ZDHHC14: variants seen among roughly 807,000 people sequenced by gnomAD.
ZDHHC14 encodes the protein zDHHC palmitoyltransferase 14.
Under a neutral mutation model 47.7 loss-of-function variants are expected in ZDHHC14, and 16 were observed. The observed-to-expected ratio is 0.34, with a 90% confidence interval of 0.23 to 0.51. The LOEUF (loss-of-function observed/expected upper bound fraction) is 0.51. Ranked by LOEUF, ZDHHC14 falls within the 20% of genes least tolerant of loss-of-function variation. The pLI is 0.97. For missense variants in ZDHHC14, 515 were observed against 662.5 expected (o/e 0.78, Z 2.44); for synonymous variants, 293 against 278.9 (o/e 1.05, Z -0.50).
At chr6:157,656,524 G>A (rs1214336983) in intron 8 of ZDHHC14, among the ~76,000 whole-genome samples, 1 of 151,492 alleles carries the variant, frequency 6.6e-6, no homozygotes, top group African/African-American at 2.4e-5. Context: ...TTAGTAGAGA[G>A]GGGGTTTCAC....
At chr6:157,568,041 A>T (rs1782971000) in intron 2 of ZDHHC14, among the ~76,000 whole-genome samples, 1 of 152,208 alleles carries the variant, frequency 6.6e-6, no homozygotes, top group African/African-American at 2.4e-5. Flanking sequence ...TTACTCACTT[A>T]TAACCAGCCT....
At chr6:157,628,316 C>A (rs1785518525) in intron 3 of ZDHHC14, 33 bp from the exon 4 acceptor site, 1 of 1,564,266 alleles carries the variant, frequency 6.4e-7, no homozygotes, top group Non-Finnish European at 8.6e-7. Flanking sequence ...TAATTGATTT[C>A]CACTTTTTTT....
Position 157,593,009 on chromosome 6 carries a change from CA to C in ZDHHC14, c.429del (p.Tyr146ThrfsTer17). 6.2e-7 allele frequency: 1 copy of C among 1,613,826 alleles called. No homozygotes were observed. The highest frequency in any genetic ancestry group is 8.5e-7 in the Non-Finnish European group (1 of 1,179,860). ...RQIDIANGTS[S>X]GGYRPPPRTK... is the part of the protein sequence containing the mutation. ...ACAGATATCGCAAACGGCACCAGTT[CA>C]GGGGGGTACCGCCCGCCTCCCAGAA... On this transcript the variant is annotated frameshift_variant, in exon 3 of 9. Coordinates refer to ENST00000359775, the MANE Select transcript of ZDHHC14 (RefSeq NM_024630.3). LOFTEE classifies it high-confidence loss of function.
At chr6:157,628,293 A>G (rs2114951293) in intron 3 of ZDHHC14, 56 bp from the exon 4 acceptor site, 3 of 1,571,322 alleles carry the variant, frequency 1.9e-6, no homozygotes, top group African/African-American at 1.4e-5. Context: ...CTGCAAGTAA[A>G]AAGACATTTT....
chr6:157,635,285 G>A (rs533284842), intron 5 of ZDHHC14, among the ~76,000 whole-genome samples: 42 of 152,286 alleles, frequency 2.8e-4, no homozygotes, highest in South Asian at 1.7e-3. Flanking sequence ...GAGCTACCGC[G>A]CCCAGCCACT....
chr6:157,456,441 C>T lies in ZDHHC14; in HGVS notation c.245+74175C>T, dbSNP rs1019080864. On this transcript the variant is annotated intron_variant, in intron 1 of 8. Transcript: ENST00000359775. ...CCTAGTCATAAGTGTGGGATGTTGC[C>T]TCCCCCATGGAGCCAGGGTTTTTGC... Among the ~76,000 whole-genome samples the T allele has an allele frequency of 2.0e-5, 3 of 152,154 alleles. No individual in the cohort carries two copies. The East Asian group carries it at 5.8e-4, about 29-fold the overall frequency.
At chr6:157,501,703 T>C (rs1471037203) in intron 1 of ZDHHC14, among the ~76,000 whole-genome samples, 1 of 152,238 alleles carries the variant, frequency 6.6e-6, no homozygotes, top group African/African-American at 2.4e-5. Flanking sequence ...ACAAAGGCCA[T>C]GATTTTTGCA....
At chr6:157,661,620 C>A (rs2115003124) in intron 8 of ZDHHC14, among the ~76,000 whole-genome samples, 1 of 152,312 alleles carries the variant, frequency 6.6e-6, no homozygotes, top group African/African-American at 2.4e-5. Flanking sequence ...AGCACCTGGG[C>A]TGCCTCTGAC....
rs144417800 is a variant in ZDHHC14 at position 157,392,476 on chromosome 6, A to G, written c.245+10210A>G. Among the ~76,000 whole-genome samples the G allele has an allele frequency of 1.9e-3, 293 of 152,128 alleles. 1 individual carries two copies. Among genetic ancestry groups the G allele is most frequent in the African/African-American group, 6.7e-3 (277 of 41,482 alleles). ...GTTGGGGGGTTGTCTCTTAGACCGT[A>G]TTCTTCCTCTCTGTGTCATGTGGCC... On this transcript the variant is annotated intron_variant, in intron 1 of 8. Coordinates refer to ENST00000359775, the MANE Select transcript of ZDHHC14 (RefSeq NM_024630.3).
intron 8 of ZDHHC14, among the ~76,000 whole-genome samples, chr6:157,656,624 C>T (rs1778101273): frequency 6.6e-6 from 1 of 151,612 alleles, no homozygotes; most frequent in Non-Finnish European, 1.5e-5. Context: ...GCATGAGTCA[C>T]CGCGCCCAGC....
chr6:157,492,675 A>G (rs1185842606), intron 1 of ZDHHC14, among the ~76,000 whole-genome samples: 3 of 152,222 alleles, frequency 2.0e-5, no homozygotes, highest in Admixed American at 2.0e-4. Flanking sequence ...CCCTGGCCTC[A>G]TGCAGTTTAC....
chr6:157,406,035 TG>T (rs1777752901), intron 1 of ZDHHC14, among the ~76,000 whole-genome samples: 1 of 152,236 alleles, frequency 6.6e-6, no homozygotes, highest in African/African-American at 2.4e-5. Context: ...ATCATTTGTT[TG>T]AGTTAAACCT....
chr6:157,502,987 G>A lies in ZDHHC14; in HGVS notation c.246-39598G>A, dbSNP rs560124876. Among the ~76,000 whole-genome samples the A allele has an allele frequency of 2.0e-5, 3 of 152,314 alleles. No individual in the cohort carries two copies. Among genetic ancestry groups the A allele is most frequent in the South Asian group, 2.1e-4 (1 of 4,828 alleles). On this transcript the variant is annotated intron_variant, in intron 1 of 8. Transcript: ENST00000359775. The surrounding 1 kb of genome is among the most constrained non-coding windows in gnomAD (Gnocchi z 4.0). ...ATTACAGGCATGAGCCACCGCACCC[G>A]GCTGTGTTTGTTTTTAAACTACACA...
chr6:157,464,144 G>A (rs905876236), intron 1 of ZDHHC14, among the ~76,000 whole-genome samples: 1 of 152,180 alleles, frequency 6.6e-6, no homozygotes, highest in African/African-American at 2.4e-5. Flanking sequence ...GTATTTAATC[G>A]TGACAACTAC....
chr6:157,554,005 T>G (rs1782353621), intron 2 of ZDHHC14, among the ~76,000 whole-genome samples: 1 of 152,186 alleles, frequency 6.6e-6, no homozygotes, highest in African/African-American at 2.4e-5. Context: ...CTTCCAAGGC[T>G]TTTAGAGAAA....
chr6:157,417,756 G>T (rs951583118), intron 1 of ZDHHC14, among the ~76,000 whole-genome samples: 1 of 152,104 alleles, frequency 6.6e-6, no homozygotes, highest in South Asian at 2.1e-4. Flanking sequence ...CGAGGCGGGC[G>T]GATCACGCTA....
At chr6:157,656,005 T>C (rs1778072676) in intron 8 of ZDHHC14, among the ~76,000 whole-genome samples, 1 of 152,178 alleles carries the variant, frequency 6.6e-6, no homozygotes, top group Non-Finnish European at 1.5e-5. Context: ...CAGCAAACAG[T>C]TATTGAGCAC....
At chr6:157,492,868 G>A (rs930537657) in intron 1 of ZDHHC14, among the ~76,000 whole-genome samples, 3 of 152,116 alleles carry the variant, frequency 2.0e-5, no homozygotes, top group Admixed American at 1.3e-4. Flanking sequence ...CAGGCAAGGC[G>A]CGCCCTGGGA....
intron 1 of ZDHHC14, among the ~76,000 whole-genome samples, chr6:157,498,473 G>T (rs1384411178): frequency 6.6e-6 from 1 of 152,144 alleles, no homozygotes; most frequent in Non-Finnish European, 1.5e-5. Flanking sequence ...TGGCTGATAT[G>T]GTGAGTTACT....
Sources: gnomAD v4.1 joint callset for allele counts (sites outside exome capture counted in the v4.1 genomes callset) on GRCh38, gnomAD v4.1.1 for gene constraint, Gnocchi (gnomAD v3.1) non-coding constraint, MANE v1.5 for transcripts, NCBI Gene and HGNC (gene_info 2026-07-23, HGNC 2026-07-21) for gene names.